Variants in DENND2A observed in about 807,000 individuals in gnomAD.
DENND2A encodes DENN domain containing 2A, also known as DENN domain-containing protein 2A.
In DENND2A, 53 loss-of-function variants were observed where a neutral mutation model predicts 105.3. The observed-to-expected ratio is 0.50, with a 90% CI of 0.40 to 0.63. The LOEUF (loss-of-function observed/expected upper bound fraction) is 0.63. DENND2A is among the 30% of genes least tolerant of loss of function. The pLI, the probability that DENND2A is intolerant of heterozygous loss-of-function variation, is 0.00. For synonymous variants in DENND2A, 522 were observed against 508.4 expected (o/e 1.03, Z -0.36); for missense variants, 1,138 against 1,279.6 (o/e 0.89, Z 1.69).
intron 2 of DENND2A, among the ~76,000 whole-genome samples, chr7:140,603,352 C>T (rs1027345594): frequency 6.6e-6 from 1 of 152,132 alleles, no homozygotes; most frequent in African/African-American, 2.4e-5. Context: ...GCTGCTTTTC[C>T]TGCTTTTCTT....
intron 14 of DENND2A, among the ~76,000 whole-genome samples, chr7:140,532,649 T>C (rs1796309858): frequency 6.6e-6 from 1 of 152,056 alleles, no homozygotes; most frequent in African/African-American, 2.4e-5. Context: ...GAATGTAGGA[T>C]GGGGCAGAGT....
chr7:140,568,047 A>G (rs1455596995), intron 8 of DENND2A, among the ~76,000 whole-genome samples: 1 of 151,540 alleles, frequency 6.6e-6, no homozygotes, highest in African/African-American at 2.4e-5. Flanking sequence ...TTCAAGTGAT[A>G]CTCCTCCCTC....
chr7:140,600,116 C>G (rs73500424), intron 3 of DENND2A, among the ~76,000 whole-genome samples: 18,743 of 151,880 alleles, frequency 0.12, 3,226 homozygotes, highest in African/African-American at 0.39. Context: ...ACTAAACAAA[C>G]GGTGATGCCA....
At chr7:140,580,931 C>A (rs1434314628) in intron 5 of DENND2A, among the ~76,000 whole-genome samples, 4 of 151,606 alleles carry the variant, frequency 2.6e-5, no homozygotes. Flanking sequence ...GCCACTGTGC[C>A]CGGCCACCCA....
chr7:140,573,982 G>T lies in DENND2A; in HGVS notation c.1272C>A (p.Phe424Leu). ...AGTTCCTCCTCTCTGAATTTTGTCGGAAAAAAGCAGGTTTGGACAATGACT... is the reference window on the plus strand; with the variant it reads ...AGTTCCTCCTCTCTGAATTTTGTCGTAAAAAAGCAGGTTTGGACAATGACT... ...TKQSLSKPAF[F>L]RQNSERRNFK... is the part of the protein sequence containing the mutation. The change falls in exon 6 of 20, where the codon TTC becomes TTA. Residue 424 changes from phenylalanine to leucine, a missense_variant. Phe to Leu is a conservative substitution (Grantham distance 22). Around this residue, in one of 2 missense-constraint regions of DENND2A, gnomAD observed 627 missense variants for 779.8 expected, o/e 0.80. Coordinates refer to ENST00000496613, the MANE Select transcript of DENND2A (RefSeq NM_015689.5). The T allele has an allele frequency of 1.2e-6, 2 of 1,614,032 alleles. No individual in the cohort carries two copies. The highest frequency in any genetic ancestry group is 1.7e-6 in the Non-Finnish European group (2 of 1,179,990).
At chr7:140,520,306 C>CAAAA (rs762064430) in intron 18 of DENND2A, among the ~76,000 whole-genome samples, 1 of 108,230 alleles carries the variant, frequency 9.2e-6, no homozygotes, top group Non-Finnish European at 2.0e-5. Flanking sequence ...AACTCCGTCG[C>CAAAA]AAAAAAAAAA....
At chr7:140,545,570 C>G (rs994024011) in intron 13 of DENND2A, among the ~76,000 whole-genome samples, 3 of 152,110 alleles carry the variant, frequency 2.0e-5, no homozygotes, top group African/African-American at 7.2e-5. Flanking sequence ...AGGCTGGTCT[C>G]GAACTCCTGA....
intron 6 of DENND2A, 137 bp downstream of exon 6, chr7:140,573,671 A>T: frequency 9.9e-7 from 1 of 1,012,256 alleles, no homozygotes; most frequent in Non-Finnish European, 1.5e-6. Flanking sequence ...TGCTGGCTTC[A>T]CTGTGTCCCC....
chr7:140,551,847 T>C (rs1316140379), intron 12 of DENND2A, among the ~76,000 whole-genome samples: 2 of 152,232 alleles, frequency 1.3e-5, no homozygotes, highest in African/African-American at 4.8e-5. Flanking sequence ...AAAGCTCTGG[T>C]TCTGGTTCTG....
At chr7:140,535,570 T>C (rs76056622) in intron 14 of DENND2A, among the ~76,000 whole-genome samples, 4 of 128,232 alleles carry the variant, frequency 3.1e-5, no homozygotes, top group East Asian at 4.0e-4. Context: ...TTCCAGCTTC[T>C]TTTTTTTTTT....
chr7:140,625,003 G>A (rs1433833149), intron 1 of DENND2A, among the ~76,000 whole-genome samples: 3 of 151,726 alleles, frequency 2.0e-5, no homozygotes, highest in Admixed American at 6.6e-5. Flanking sequence ...AATGACAGGC[G>A]TGCACCACCA....
At chr7:140,603,055 C>A (rs995263330) in intron 2 of DENND2A, among the ~76,000 whole-genome samples, 1 of 151,934 alleles carries the variant, frequency 6.6e-6, no homozygotes, top group Non-Finnish European at 1.5e-5. Flanking sequence ...GAGGCCGAGG[C>A]GGGTGGATCA....
In DENND2A at chr7:140,527,491, G is replaced by C. The variant is rs1178917895; in HGVS notation, c.2332C>G (p.Leu778Val). 1 of 1,597,738 alleles carries C rather than the reference G, an allele frequency of 6.3e-7. No individual in the cohort carries two copies. Among genetic ancestry groups the C allele is most frequent in the African/African-American group, 1.3e-5 (1 of 74,730 alleles). Residue 778 changes from leucine (L) to valine (V), a missense_variant, in exon 15 of 20, where the codon CTG becomes GTG. Around this residue, in one of 2 missense-constraint regions of DENND2A, gnomAD observed 627 missense variants for 779.8 expected, o/e 0.80. Transcript: ENST00000496613. This position sits in a 1 kb window ranked among gnomAD's most constrained non-coding sequence, Gnocchi z 4.9. ...VIFIADKLSI[L>V]SKCCHAMVAL... Reference sequence around the variant, plus strand: ...ACCATCGCGTGGCAGCACTTGGACAGGATGCTGCAGCCGGGGAGAGAACAG... The same window carrying C: ...ACCATCGCGTGGCAGCACTTGGACACGATGCTGCAGCCGGGGAGAGAACAG...
intron 3 of DENND2A, among the ~76,000 whole-genome samples, chr7:140,597,808 G>T (rs1432092093): frequency 1.3e-5 from 2 of 152,196 alleles, no homozygotes; most frequent in Non-Finnish European, 2.9e-5. Flanking sequence ...GGCTGCTGTG[G>T]GAAGCACTGG....
intron 4 of DENND2A, among the ~76,000 whole-genome samples, chr7:140,586,399 A>ACG (rs1406620765): frequency 6.6e-6 from 1 of 151,486 alleles, no homozygotes; most frequent in Admixed American, 6.6e-5. Context: ...ACACACACAC[A>ACG]CACACACAAA....
In DENND2A at chr7:140,522,470, C is replaced by G. The variant is rs374659972; in HGVS notation, c.2666-370G>C. Among the ~76,000 whole-genome samples the G allele has an allele frequency of 6.0e-4, 90 of 151,154 alleles. No individual in the cohort carries two copies. The South Asian group carries it at 0.017, about 28-fold the overall frequency. ...CTGGGATTATGGGCATGCGCCACCACGCCCAGCTAATTTTTGTATTTTTAG... is the reference window on the plus strand; with the variant it reads ...CTGGGATTATGGGCATGCGCCACCAGGCCCAGCTAATTTTTGTATTTTTAG... On this transcript the variant is annotated intron_variant, in intron 17 of 19. Transcript: ENST00000496613.
At chr7:140,617,072 G>A (rs547074759) in intron 1 of DENND2A, among the ~76,000 whole-genome samples, 3 of 152,300 alleles carry the variant, frequency 2.0e-5, no homozygotes, top group Non-Finnish European at 4.4e-5. Context: ...TGGCCAGGAT[G>A]GTCTCGAACT....
chr7:140,606,446 C>T (rs1799690350), intron 1 of DENND2A, among the ~76,000 whole-genome samples: 1 of 152,160 alleles, frequency 6.6e-6, no homozygotes, highest in Non-Finnish European at 1.5e-5. Context: ...TTTTTAGGGT[C>T]TCTAAGAACC....
At chr7:140,576,764 C>T (rs1401735652) in intron 5 of DENND2A, among the ~76,000 whole-genome samples, 1 of 152,178 alleles carries the variant, frequency 6.6e-6, no homozygotes, top group Non-Finnish European at 1.5e-5. Flanking sequence ...AGAGGAAGAG[C>T]TGACCTGGAT....
Sources: gnomAD v4.1 joint callset for allele counts (sites outside exome capture counted in the v4.1 genomes callset) on GRCh38, gnomAD v4.1.1 for gene constraint, gnomAD v4.1.1 regional missense constraint, Gnocchi (gnomAD v3.1) non-coding constraint, MANE v1.5 for transcripts, NCBI Gene and HGNC (gene_info 2026-07-23, HGNC 2026-07-21) for gene names.